CSMD1: variants seen among roughly 807,000 people sequenced by gnomAD.
CSMD1 encodes CUB and Sushi multiple domains 1.
CSMD1 carries 213 observed loss-of-function variants against 417.5 expected under a neutral mutation model. The observed-to-expected ratio is 0.51, with a 90% CI of 0.46 to 0.57. The LOEUF (loss-of-function observed/expected upper bound fraction) is 0.57. Among genes scored for constraint, CSMD1 ranks in the 20% least tolerant of loss-of-function variants. The pLI, the probability that CSMD1 is intolerant of heterozygous loss-of-function variation, is 0.00. For missense variants in CSMD1, 6,923 were observed against 4,529.7 expected, an observed-to-expected ratio of 1.53 and a Z score of -15.17; for synonymous variants, 2,862 against 1,736.8, an observed-to-expected ratio of 1.65 and a Z score of -16.11.
intron 5 of CSMD1, among the ~76,000 whole-genome samples, chr8:3,825,997 C>A (rs1476010917): frequency 1.7e-4 from 26 of 152,188 alleles, no homozygotes; most frequent in Admixed American, 1.7e-3. Context: ...TATTCTTTAT[C>A]ACTTTATTCA....
At chr8:4,483,042 T>A (rs11786835) in intron 2 of CSMD1, among the ~76,000 whole-genome samples, 10,969 of 152,234 alleles carry the variant, frequency 0.072, 620 homozygotes, top group East Asian at 0.18. Context: ...CGAAATCTCA[T>A]CTTGGATTGG....
At chr8:4,028,208 G>C (rs1021955815) in intron 4 of CSMD1, among the ~76,000 whole-genome samples, 6 of 152,152 alleles carry the variant, frequency 3.9e-5, no homozygotes, top group South Asian at 4.1e-4. Context: ...ATTTCTCTAG[G>C]ACAGAGGAAT....
intron 2 of CSMD1, among the ~76,000 whole-genome samples, chr8:4,470,989 C>T (rs976052022): frequency 1.3e-5 from 2 of 152,092 alleles, no homozygotes; most frequent in African/African-American, 4.8e-5. Flanking sequence ...TATATTTGAG[C>T]ATTACATACT....
chr8:3,011,396 G>A (rs1808372227), intron 52 of CSMD1, among the ~76,000 whole-genome samples: 1 of 151,784 alleles, frequency 6.6e-6, no homozygotes, highest in African/African-American at 2.4e-5. Context: ...ATAATCAGTT[G>A]TTTTATTAAA....
chr8:4,348,911 G>A (rs1800929815), intron 3 of CSMD1, among the ~76,000 whole-genome samples: 1 of 152,086 alleles, frequency 6.6e-6, no homozygotes. Flanking sequence ...TTCTCCCTGT[G>A]ATATCACAGC....
intron 1 of CSMD1, among the ~76,000 whole-genome samples, chr8:4,739,203 A>G (rs1010503425): frequency 6.6e-6 from 1 of 152,200 alleles, no homozygotes; most frequent in Non-Finnish European, 1.5e-5. Flanking sequence ...CAATAATTCT[A>G]TCTATTAAAG....
chr8:3,146,867 A>G lies in CSMD1; in HGVS notation c.6032-4193T>C, dbSNP rs143479618. The stretch of plus-strand genomic sequence containing the variant: ...GGGAGTAGAGTTAATCAAAATAATT[A>G]TTTGACTAAACTGGCAACTGCTTAA... On this transcript the variant is annotated intron_variant, in intron 40 of 69. Transcript: ENST00000635120. Among the ~76,000 whole-genome samples, 31 of 152,298 alleles carry G rather than the reference A, an allele frequency of 2.0e-4. No individual in the cohort carries two copies. The East Asian group carries it at 3.1e-3, about 15-fold the overall frequency.
At chr8:3,970,704 G>A (rs753820423) in intron 5 of CSMD1, among the ~76,000 whole-genome samples, 2 of 152,120 alleles carry the variant, frequency 1.3e-5, no homozygotes, top group Non-Finnish European at 2.9e-5. Context: ...ATATGTCCAT[G>A]AATGAGGTGC....
At chr8:3,643,957 A>T (rs1199805398) in intron 7 of CSMD1, among the ~76,000 whole-genome samples, 3 of 152,206 alleles carry the variant, frequency 2.0e-5, no homozygotes, top group Non-Finnish European at 2.9e-5. Flanking sequence ...AATGTGGTAG[A>T]TAGGACAATT....
At chr8:4,374,204 A>T (rs1014671746) in intron 3 of CSMD1, among the ~76,000 whole-genome samples, 1 of 152,066 alleles carries the variant, frequency 6.6e-6, no homozygotes, top group East Asian at 1.9e-4. Flanking sequence ...GTTAGCTTTG[A>T]GGAAGGATTA....
At chr8:2,982,832 C>G (rs532370187) in intron 54 of CSMD1, among the ~76,000 whole-genome samples, 10 of 152,256 alleles carry the variant, frequency 6.6e-5, no homozygotes, top group African/African-American at 2.4e-4. Context: ...AATTCCCATC[C>G]CAGGTTCCTT....
intron 5 of CSMD1, among the ~76,000 whole-genome samples, chr8:3,947,669 G>T (rs962155471): frequency 6.6e-6 from 1 of 152,134 alleles, no homozygotes; most frequent in Non-Finnish European, 1.5e-5. Context: ...ATTATGTTGT[G>T]ATAAGATAAT....
rs938671610 is a variant in CSMD1 at position 4,442,805 on chromosome 8, G to A, written c.303-22740C>T. ...TGATAACTTACAATTTTTAAAATTT[G>A]ATTTCTAAAACTGAAATATGTAAGT... On this transcript the variant is annotated intron_variant, in intron 2 of 69. Transcript: ENST00000635120. Among the ~76,000 whole-genome samples the A allele has an allele frequency of 2.6e-5, 4 of 152,252 alleles. No homozygotes were observed. In the East Asian group the frequency reaches 7.7e-4, roughly 29 times the overall value.
At chr8:3,845,717 G>T (rs1014840244) in intron 5 of CSMD1, among the ~76,000 whole-genome samples, 1 of 152,028 alleles carries the variant, frequency 6.6e-6, no homozygotes, top group Non-Finnish European at 1.5e-5. Flanking sequence ...TAAAGTTTTT[G>T]ATTTTTCATC....
intron 3 of CSMD1, among the ~76,000 whole-genome samples, chr8:4,361,679 G>C (rs373273848): frequency 2.0e-5 from 3 of 152,080 alleles, no homozygotes; most frequent in Admixed American, 6.5e-5. Context: ...AGCCAGGTGC[G>C]ACGGCTTGGC....
In CSMD1 at chr8:3,007,590, C is replaced by G. The variant is rs574184170; in HGVS notation, c.8030-7459G>C. 3.3e-5 allele frequency among the ~76,000 whole-genome samples: 5 copies of G among 151,328 alleles called. No individual in the cohort carries two copies. In the East Asian group the frequency reaches 9.7e-4, roughly 29 times the overall value. The stretch of plus-strand genomic sequence containing the variant: ...TATACACCATGGAATACTATGCAGC[C>G]ATAAAAAATGATGAGTTCGTGTCCT... On this transcript the variant is annotated intron_variant, in intron 52 of 69. Coordinates refer to ENST00000635120, the MANE Select transcript of CSMD1 (RefSeq NM_033225.6).
intron 7 of CSMD1, among the ~76,000 whole-genome samples, chr8:3,660,193 G>A (rs544492504): frequency 1.0e-3 from 159 of 152,250 alleles, no homozygotes; most frequent in Middle Eastern, 3.4e-3. Flanking sequence ...TAGAGTGTGG[G>A]TTTGGGAGCC....
intron 5 of CSMD1, among the ~76,000 whole-genome samples, chr8:3,996,565 C>A (rs1042585458): frequency 6.6e-6 from 1 of 152,058 alleles, no homozygotes. Flanking sequence ...GCTTTTGCTT[C>A]CATGAACTCT....
At chr8:3,265,958 C>T (rs1025744508) in intron 26 of CSMD1, among the ~76,000 whole-genome samples, 12 of 151,600 alleles carry the variant, frequency 7.9e-5, no homozygotes, top group African/African-American at 2.4e-4. Flanking sequence ...GTTTTGGATG[C>T]GTTATTTTTA....
Sources: gnomAD v4.1 joint callset for allele counts (sites outside exome capture counted in the v4.1 genomes callset) on GRCh38, gnomAD v4.1.1 for gene constraint, MANE v1.5 for transcripts, NCBI Gene and HGNC (gene_info 2026-07-23, HGNC 2026-07-21) for gene names.